Variants in RIT2 observed in about 807,000 individuals in gnomAD.
The protein encoded by RIT2 is GTP-binding protein Rit2.
In RIT2, 24 loss-of-function variants were observed where a neutral mutation model predicts 23.7. The ratio of observed to expected loss-of-function variants is 1.01; its 90% confidence interval spans 0.73 to 1.43. The LOEUF (loss-of-function observed/expected upper bound fraction) is 1.43, where lower values mean the gene tolerates loss of function less well. Ranked by LOEUF, RIT2 falls within the 40% of genes most tolerant of loss-of-function variation. The pLI is 0.00. For synonymous variants in RIT2, 107 were observed against 91.1 expected (o/e 1.17, Z -0.99); for missense variants, 236 against 266.9 (o/e 0.88, Z 0.81).
chr18:42,913,812 T>C (rs1045044180), intron 4 of RIT2, among the ~76,000 whole-genome samples: 2 of 152,002 alleles, frequency 1.3e-5, no homozygotes, highest in Non-Finnish European at 2.9e-5. Flanking sequence ...GTTATAACAA[T>C]GTGCAATTCC....
At chr18:43,029,369 G>A (rs1012932794) in intron 2 of RIT2, among the ~76,000 whole-genome samples, 1 of 151,898 alleles carries the variant, frequency 6.6e-6, no homozygotes, top group Non-Finnish European at 1.5e-5. Context: ...GAATTTCTGG[G>A]CACTGTGAGA....
chr18:42,897,674 G>A (rs571293228), intron 4 of RIT2, among the ~76,000 whole-genome samples: 52 of 151,922 alleles, frequency 3.4e-4, no homozygotes, highest in African/African-American at 1.1e-3. Context: ...ACCTAGTTAG[G>A]GGAATTAAAA....
intron 4 of RIT2, among the ~76,000 whole-genome samples, chr18:42,863,940 T>G (rs1907399352): frequency 6.6e-6 from 1 of 152,030 alleles, no homozygotes; most frequent in African/African-American, 2.4e-5. Flanking sequence ...CATCAGGTAC[T>G]GGGTCTGTTA....
chr18:42,998,626 C>T (rs28649243), intron 2 of RIT2, among the ~76,000 whole-genome samples: 18,735 of 151,950 alleles, frequency 0.12, 1,279 homozygotes, highest in African/African-American at 0.16. Context: ...AGGAATAAAG[C>T]TATACACTGC....
chr18:42,979,430 A>C (rs1227400981), intron 2 of RIT2, among the ~76,000 whole-genome samples: 3 of 152,140 alleles, frequency 2.0e-5, no homozygotes, highest in Non-Finnish European at 4.4e-5. Context: ...TATTACAATG[A>C]AGCTATTTTT....
At chr18:42,753,259 C>T (rs893816404) in intron 4 of RIT2, among the ~76,000 whole-genome samples, 2 of 152,058 alleles carry the variant, frequency 1.3e-5, no homozygotes, top group Admixed American at 1.3e-4. Flanking sequence ...ATCTTTTACC[C>T]GAGCTTGGTA....
At chr18:42,860,824 C>T (rs1907306451) in intron 4 of RIT2, among the ~76,000 whole-genome samples, 1 of 152,152 alleles carries the variant, frequency 6.6e-6, no homozygotes, top group Admixed American at 6.5e-5. Context: ...TTCTGCACAG[C>T]CATGTTCCTA....
At chr18:43,039,930 C>T (rs1912088469) in intron 1 of RIT2, among the ~76,000 whole-genome samples, 1 of 152,116 alleles carries the variant, frequency 6.6e-6, no homozygotes, top group Non-Finnish European at 1.5e-5. Context: ...ATGAACTAAA[C>T]ACAATATATT....
chr18:42,981,152 G>T (rs1382522779), intron 2 of RIT2, among the ~76,000 whole-genome samples: 3 of 151,898 alleles, frequency 2.0e-5, no homozygotes, highest in Non-Finnish European at 4.4e-5. Context: ...GGGATGAAGG[G>T]GAAGAGAAGA....
chr18:42,753,721 C>T (rs560602639), intron 4 of RIT2, among the ~76,000 whole-genome samples: 123 of 152,184 alleles, frequency 8.1e-4, no homozygotes, highest in Middle Eastern at 3.4e-3. Context: ...GAACTTTTTT[C>T]TATTTTCATT....
chr18:42,968,141 C>T (rs958296033), intron 3 of RIT2, among the ~76,000 whole-genome samples: 5 of 152,050 alleles, frequency 3.3e-5, no homozygotes, highest in African/African-American at 7.2e-5. Flanking sequence ...TTTCTATTTT[C>T]TCGTCTTGTT....
intron 1 of RIT2, among the ~76,000 whole-genome samples, chr18:43,035,788 T>G (rs935194720): frequency 6.6e-6 from 1 of 152,226 alleles, no homozygotes; most frequent in Non-Finnish European, 1.5e-5. Context: ...GCTTCTCGGC[T>G]ATACACCCGC....
chr18:43,004,151 G>A (rs1168867574), intron 2 of RIT2, among the ~76,000 whole-genome samples: 1 of 151,676 alleles, frequency 6.6e-6, no homozygotes, highest in Non-Finnish European at 1.5e-5. Context: ...TTATGAAAAG[G>A]GCTTTCATTT....
At chr18:43,112,661 TG>T (rs1313432102) in intron 1 of RIT2, among the ~76,000 whole-genome samples, 1 of 152,104 alleles carries the variant, frequency 6.6e-6, no homozygotes, top group African/African-American at 2.4e-5. Context: ...CCCAGCACTT[TG>T]GGGGGCTGAG....
At chr18:42,977,990 G>A (rs1910511781) in intron 2 of RIT2, among the ~76,000 whole-genome samples, 2 of 151,558 alleles carry the variant, frequency 1.3e-5, no homozygotes, top group Non-Finnish European at 2.9e-5. Context: ...AAGATGCATG[G>A]GGTTGTTTTT....
At chr18:42,974,042 A>C in intron 3 of RIT2, 32 bp downstream of exon 3, 1 of 1,454,976 alleles carries the variant, frequency 6.9e-7, no homozygotes, top group Non-Finnish European at 9.6e-7. Context: ...AAATAAACTC[A>C]GAGATTGGAG....
chr18:43,091,944 T>A (rs1464741819), intron 1 of RIT2, among the ~76,000 whole-genome samples: 1 of 152,120 alleles, frequency 6.6e-6, no homozygotes, highest in African/African-American at 2.4e-5. Flanking sequence ...GTAAAATGAT[T>A]TCAAGTTTTG....
chr18:42,840,433 G>T (rs1487411231), intron 4 of RIT2, among the ~76,000 whole-genome samples: 1 of 152,200 alleles, frequency 6.6e-6, no homozygotes, highest in East Asian at 1.9e-4. Context: ...TGTATGCCAA[G>T]AACTTACTGT....
At chr18:42,856,102 G>A (rs1324404396) in intron 4 of RIT2, among the ~76,000 whole-genome samples, 1 of 152,134 alleles carries the variant, frequency 6.6e-6, no homozygotes, top group Admixed American at 6.6e-5. Flanking sequence ...TTCCAAAGGT[G>A]GATCATAGAG....
Sources: allele counts gnomAD v4.1 joint callset (sites outside exome capture counted in the v4.1 genomes callset), GRCh38; gene constraint gnomAD v4.1.1; transcripts MANE v1.5; gene names NCBI Gene and HGNC (gene_info 2026-07-23, HGNC 2026-07-21).